The following CDH4 variants were observed in gnomAD, a reference collection of about 807,000 sequenced individuals.
CDH4 encodes cadherin-4.
CDH4 carries 33 observed loss-of-function variants against 86.0 expected under a neutral mutation model. The observed-to-expected ratio is 0.38, with a 90% CI of 0.29 to 0.51. CDH4 has a LOEUF of 0.51. CDH4 is among the 20% of genes least tolerant of loss of function. CDH4 has a pLI of 0.86. For synonymous variants in CDH4, 555 were observed against 549.4 expected (o/e 1.01, Z -0.14); for missense variants, 1,114 against 1,307.4 (o/e 0.85, Z 2.28).
chr20:61,281,120 A>G (rs1285380828), intron 2 of CDH4, among the ~76,000 whole-genome samples: 1 of 152,222 alleles, frequency 6.6e-6, no homozygotes, highest in Non-Finnish European at 1.5e-5. Context: ...AATTCGGGAC[A>G]GCCCAGACGG....
At chr20:61,358,398 G>A (rs576371024) in intron 2 of CDH4, among the ~76,000 whole-genome samples, 8 of 152,316 alleles carry the variant, frequency 5.3e-5, no homozygotes, top group South Asian at 2.1e-4. Flanking sequence ...CTCAGGGTCC[G>A]GCATGGCCAT....
intron 9 of CDH4, 102 bp from the exon 10 acceptor site, chr20:61,923,349 T>C (rs2055004882): frequency 7.9e-6 from 9 of 1,139,666 alleles, no homozygotes; most frequent in Middle Eastern, 4.0e-4. Flanking sequence ...GAGCTGGACA[T>C]GGCTCAGGGA....
intron 2 of CDH4, among the ~76,000 whole-genome samples, chr20:61,376,685 A>G (rs866038081): frequency 9.9e-5 from 15 of 152,212 alleles, no homozygotes; most frequent in South Asian, 4.2e-4. Context: ...CCTCCTGTGG[A>G]TCCTTCTGTG....
At chr20:61,401,797 G>A (rs1490573575) in intron 2 of CDH4, among the ~76,000 whole-genome samples, 1 of 152,172 alleles carries the variant, frequency 6.6e-6, no homozygotes, top group African/African-American at 2.4e-5. Context: ...ACCCACAGCT[G>A]AGGCCCCAGT....
intron 9 of CDH4, among the ~76,000 whole-genome samples, chr20:61,922,997 C>T (rs943771633): frequency 6.6e-6 from 1 of 152,258 alleles, no homozygotes; most frequent in Non-Finnish European, 1.5e-5. Flanking sequence ...GGCTCATTCA[C>T]AGGTCCCAGG....
intron 4 of CDH4, among the ~76,000 whole-genome samples, chr20:61,842,723 C>G (rs575584150): frequency 2.0e-5 from 3 of 152,158 alleles, no homozygotes; most frequent in South Asian, 2.1e-4. Context: ...CCCTATTTTT[C>G]TGCTTTCAGA....
chr20:61,837,510 G>C (rs1981934053), intron 4 of CDH4, among the ~76,000 whole-genome samples: 2 of 152,210 alleles, frequency 1.3e-5, no homozygotes, highest in African/African-American at 4.8e-5. Context: ...GGCTCTGTGA[G>C]ATGGTCAGGT....
intron 5 of CDH4, 134 bp from the exon 6 acceptor site, chr20:61,852,620 C>T: frequency 2.5e-6 from 2 of 799,586 alleles, no homozygotes. Context: ...ATGACGTGTC[C>T]AAAGCCCCCC....
chr20:61,551,129 G>A (rs2086126503), intron 2 of CDH4, among the ~76,000 whole-genome samples: 1 of 152,220 alleles, frequency 6.6e-6, no homozygotes, highest in South Asian at 2.1e-4. Context: ...ATGAAAGAAT[G>A]TCTATGAAGC....
At chr20:61,300,144 G>A (rs2084378327) in intron 2 of CDH4, among the ~76,000 whole-genome samples, 3 of 152,174 alleles carry the variant, frequency 2.0e-5, no homozygotes, top group Non-Finnish European at 4.4e-5. Context: ...GCATGGGGAG[G>A]GCGGGTGGAC....
At chr20:61,570,059 G>A (rs2086330451) in intron 2 of CDH4, 1 of 152,500 alleles carries the variant, frequency 6.6e-6, no homozygotes, top group African/African-American at 2.4e-5. Context: ...TGGTTACTAT[G>A]GCGCCGTTAC....
At chr20:61,538,757 A>G (rs1174633867) in intron 2 of CDH4, among the ~76,000 whole-genome samples, 1 of 152,120 alleles carries the variant, frequency 6.6e-6, no homozygotes, top group Non-Finnish European at 1.5e-5. Context: ...TCACATCGTG[A>G]TTTGGGGGCC....
At chr20:61,891,783 A>T (rs1984833443) in intron 7 of CDH4, among the ~76,000 whole-genome samples, 1 of 152,066 alleles carries the variant, frequency 6.6e-6, no homozygotes, top group Admixed American at 6.5e-5. Flanking sequence ...CCCGGGTCCA[A>T]CCGCACCTCC....
intron 15 of CDH4, among the ~76,000 whole-genome samples, chr20:61,936,289 GCCCTT>G (rs2055182936): frequency 3.9e-5 from 1 of 25,364 alleles, no homozygotes; most frequent in Non-Finnish European, 7.9e-5. Flanking sequence ...ACACCCCCCT[GCCCTT>G]CCCCTATAAA....
At chr20:61,444,347 C>T (rs1280646558) in intron 2 of CDH4, among the ~76,000 whole-genome samples, 5 of 4,618 alleles carry the variant, frequency 1.1e-3, no homozygotes, top group Non-Finnish European at 2.7e-3. Flanking sequence ...CTGTGTGTGT[C>T]TGTGTATATT....
At chr20:61,253,717 TC>T (rs1165174528) in intron 1 of CDH4, among the ~76,000 whole-genome samples, 1 of 152,092 alleles carries the variant, frequency 6.6e-6, no homozygotes, top group Non-Finnish European at 1.5e-5. Context: ...CCCGCTCTCC[TC>T]CCTCGGTGCT....
At chr20:61,421,281 T>G (rs2085176474) in intron 2 of CDH4, among the ~76,000 whole-genome samples, 1 of 152,148 alleles carries the variant, frequency 6.6e-6, no homozygotes, top group Non-Finnish European at 1.5e-5. Flanking sequence ...GCACAACACT[T>G]CAATTTCAGA....
chr20:61,321,653 G>A (rs1433686465), intron 2 of CDH4, among the ~76,000 whole-genome samples: 4 of 152,240 alleles, frequency 2.6e-5, no homozygotes, highest in South Asian at 2.1e-4. Context: ...AAATTCAGCC[G>A]TTGCCACTAT....
intron 3 of CDH4, among the ~76,000 whole-genome samples, chr20:61,770,522 C>T (rs1164861707): frequency 1.3e-5 from 2 of 152,362 alleles, no homozygotes; most frequent in African/African-American, 2.4e-5. Flanking sequence ...GCATGGACGC[C>T]GCATATACGC....
Sources: gnomAD v4.1 joint callset for allele counts (sites outside exome capture counted in the v4.1 genomes callset) on GRCh38, gnomAD v4.1.1 for gene constraint, MANE v1.5 for transcripts, NCBI Gene and HGNC (gene_info 2026-07-23, HGNC 2026-07-21) for gene names.